HPS3: variants seen among roughly 807,000 people sequenced by gnomAD.
The protein encoded by HPS3 is BLOC-2 complex member HPS3.
HPS3 carries 79 observed loss-of-function variants against 110.9 expected under a neutral mutation model. The ratio of observed to expected loss-of-function variants is 0.71; its 90% CI spans 0.59 to 0.86. The LOEUF is 0.86. Among genes scored for constraint, HPS3 ranks in the 40% least tolerant of loss-of-function variants. The probability of loss-of-function intolerance (pLI) is 0.00; values close to 1 mark genes in which losing one functional copy is unlikely to be tolerated. For synonymous variants in HPS3, 428 were observed against 451.0 expected, an observed-to-expected ratio of 0.95 and a Z score of 0.65; for missense variants, 1,197 against 1,206.2, an observed-to-expected ratio of 0.99 and a Z score of 0.11.
rs78552387 is a variant in HPS3 at position 149,168,433 on chromosome 3, G to A, written c.2887+450G>A. On this transcript the variant is annotated intron_variant, in intron 16 of 16. Transcript: ENST00000296051. The stretch of plus-strand genomic sequence containing the variant: ...AAATTGTACCGTATTTTACAGCATA[G>A]TAGTTATTTGAATTTTCATAATTCA... 5.9e-3 allele frequency: 1,040 copies of A among 176,446 alleles called. 4 individuals are homozygous for A. The highest frequency in any genetic ancestry group is 9.2e-3 in the Admixed American group (166 of 17,970). The allele number at this position is 176,446 out of a possible 1,614,324, so 10.9% of individuals were successfully genotyped here.
At position 149,162,861 on chromosome 3, in the gene HPS3, C is replaced by T. The variant is rs369855073; in HGVS notation, c.2464C>T (p.Arg822Ter). The stretch of plus-strand genomic sequence containing the variant: ...GCAGCCTCCTGACACCACACCATTG[C>T]GAACATCGGAGGATCTGGTAAGATA... ...KRQPPDTTPL[R>*]TSEDLINACS... Residue 822 changes from arginine to a stop codon, truncating the protein, a stop_gained, in exon 13 of 17, where the codon CGA becomes TGA. Coordinates refer to ENST00000296051, the MANE Select transcript of HPS3 (RefSeq NM_032383.5). LOFTEE classifies it high-confidence loss of function. 16 of 1,613,350 alleles carry T rather than the reference C, an allele frequency of 9.9e-6. No homozygotes were observed. The highest frequency in any genetic ancestry group is 2.2e-5 in the East Asian group (1 of 44,860).
intron 5 of HPS3, among the ~76,000 whole-genome samples, chr3:149,148,949 CTTTT>C (rs140573513): frequency 1.5e-3 from 151 of 102,460 alleles, no homozygotes; most frequent in Admixed American, 2.2e-3. Flanking sequence ...GGAACCCTGC[CTTTT>C]TTTTTTTTTT....
In HPS3 at chr3:149,162,826, T is replaced by C. The variant is rs1724015422; in HGVS notation, c.2429T>C (p.Leu810Ser). ...FKLTSQYIWR[L>S]SKRQPPDTTP... ...CTCACATCACAGTACATCTGGAGAT[T>C]GTCTAAGAGGCAGCCTCCTGACACC... Residue 810 changes from leucine to serine, a missense_variant, in exon 13 of 17, where the codon TTG (leucine) becomes TCG (serine). Physicochemically the swap from Leu to Ser is moderately radical, Grantham distance 145. Coordinates refer to ENST00000296051, the MANE Select transcript of HPS3 (RefSeq NM_032383.5). 5 of 1,614,080 alleles carry C rather than the reference T, an allele frequency of 3.1e-6. No individual in the cohort carries two copies. The highest frequency in any genetic ancestry group is 4.2e-6 in the Non-Finnish European group (5 of 1,179,964).
intron 9 of HPS3, among the ~76,000 whole-genome samples, chr3:149,157,892 A>G (rs1723553058): frequency 1.3e-5 from 2 of 152,250 alleles, no homozygotes; most frequent in Admixed American, 1.3e-4. Flanking sequence ...TGGACATATT[A>G]AACCCTAAAA....
rs534690594 is a variant in HPS3 at position 149,151,737 on chromosome 3, A to G, written c.1245+1057A>G. Among the ~76,000 whole-genome samples, 2 of 152,004 alleles carry G rather than the reference A, an allele frequency of 1.3e-5. 1 individual carries two copies. Among genetic ancestry groups the G allele is most frequent in the South Asian group, 4.2e-4 (2 of 4,816 alleles). ...ACATTATATTGATCTATGTTATTTT[A>G]CTTCTGAAGTATAAGCTATTTGAAT... On this transcript the variant is annotated intron_variant, in intron 6 of 16. Transcript: ENST00000296051.
At chr3:149,132,682 A>G (rs1721847179) in intron 1 of HPS3, among the ~76,000 whole-genome samples, 1 of 152,226 alleles carries the variant, frequency 6.6e-6, no homozygotes, top group African/African-American at 2.4e-5. Flanking sequence ...TCATTATTAA[A>G]GAAATACATT....
intron 12 of HPS3, 89 bp from the exon 13 acceptor site, chr3:149,162,601 C>T (rs1723983181): frequency 7.5e-7 from 1 of 1,334,992 alleles, no homozygotes; most frequent in Non-Finnish European, 1.1e-6. Flanking sequence ...ATTGCGTGGC[C>T]CATGTGATGC....
chr3:149,144,396 A>T, intron 4 of HPS3, among the ~76,000 whole-genome samples: 1 of 152,102 alleles, frequency 6.6e-6, no homozygotes, highest in Non-Finnish European at 1.5e-5. Context: ...AAATAAAAAT[A>T]AAAAAAATTT....
chr3:149,156,491 T>G (rs1723463537), intron 8 of HPS3, among the ~76,000 whole-genome samples: 1 of 152,216 alleles, frequency 6.6e-6, no homozygotes, highest in Non-Finnish European at 1.5e-5. Context: ...AGCCTTTCAT[T>G]ATGTTTTATG....
intron 8 of HPS3, 115 bp from the exon 9 acceptor site, chr3:149,157,235 G>T: frequency 1.1e-6 from 1 of 939,312 alleles, no homozygotes; most frequent in Non-Finnish European, 1.7e-6. Context: ...TTACTTTTAG[G>T]GTTTAATATG....
chr3:149,155,849 CAT>C (rs1723426987), intron 8 of HPS3, among the ~76,000 whole-genome samples: 1 of 152,066 alleles, frequency 6.6e-6, no homozygotes. Context: ...GCCTGGGTAA[CAT>C]AGTGAGATCC....
intron 1 of HPS3, among the ~76,000 whole-genome samples, chr3:149,135,402 A>G (rs1167034624): frequency 6.6e-6 from 1 of 152,120 alleles, no homozygotes; most frequent in African/African-American, 2.4e-5. Flanking sequence ...TCATGGGGAC[A>G]GTTTCCCCCA....
At chr3:149,152,438 G>A (rs1033717656) in intron 6 of HPS3, among the ~76,000 whole-genome samples, 1 of 152,190 alleles carries the variant, frequency 6.6e-6, no homozygotes, top group African/African-American at 2.4e-5. Flanking sequence ...ATAAGGAGAG[G>A]TGGGCATCTG....
intron 1 of HPS3, among the ~76,000 whole-genome samples, chr3:149,138,703 T>C (rs535467814): frequency 6.6e-6 from 1 of 152,296 alleles, no homozygotes; most frequent in Admixed American, 6.5e-5. Context: ...AGCTACAGTG[T>C]CATGATAAGA....
Position 149,129,808 on chromosome 3 carries a change from G to A in HPS3, c.85G>A (p.Gly29Arg). ...KLEPDRFCGG[G>R]RDALFVAAGC... The stretch of plus-strand genomic sequence containing the variant: ...GGAGCCGGACCGGTTCTGTGGCGGG[G>A]GGCGTGACGCGCTTTTCGTGGCGGC... The change falls in exon 1 of 17, where the codon GGG (glycine) becomes AGG (arginine). Residue 29 changes from glycine (G) to arginine (R), a missense_variant. Coordinates refer to ENST00000296051, the MANE Select transcript of HPS3 (RefSeq NM_032383.5). 6.2e-7 allele frequency: 1 copy of A among 1,607,416 alleles called. No homozygotes were observed. The highest frequency in any genetic ancestry group is 8.5e-7 in the Non-Finnish European group (1 of 1,179,290).
rs764187008 is a variant in HPS3, at chr3:149,162,182, G to A, written c.2141G>A (p.Arg714Gln). The stretch of plus-strand genomic sequence containing the variant: ...GTATGTGGCTTCATTCTGGAACCTC[G>A]GCTGTTGATTCAACAGAGAAAGGGA... ...KLVCGFILEP[R>Q]LLIQQRKGQI... Residue 714 changes from arginine to glutamine, a missense_variant, in exon 12 of 17, where the codon CGG becomes CAG. Arg to Gln is a conservative substitution (Grantham distance 43). Coordinates refer to ENST00000296051, the MANE Select transcript of HPS3 (RefSeq NM_032383.5). 4.3e-6 allele frequency: 7 copies of A among 1,613,898 alleles called. No individual in the cohort carries two copies. Among genetic ancestry groups the A allele is most frequent in the Middle Eastern group, 1.7e-4 (1 of 6,056 alleles).
At chr3:149,130,093 G>T in intron 1 of HPS3, 153 bp downstream of exon 1, 1 of 703,428 alleles carries the variant, frequency 1.4e-6, no homozygotes, top group Non-Finnish European at 2.4e-6. Context: ...GCCGCTGATT[G>T]CTTGAAGTCG....
Position 149,158,739 on chromosome 3 carries a change from G to A in HPS3, c.1765G>A (p.Ala589Thr), listed in dbSNP as rs758530382. ...TGGTTTGTCTATGGCTGAAGTTCTG[G>A]CCCGCACGGACTGGACAGTAGAGGA... ...MSGLSMAEVLARTDWTVEDGL... is the reference protein window; with the variant it reads ...MSGLSMAEVLTRTDWTVEDGL... Residue 589 changes from alanine (A) to threonine (T), a missense_variant, in exon 10 of 17, where the codon GCC (alanine) becomes ACC (threonine). Coordinates refer to ENST00000296051, the MANE Select transcript of HPS3 (RefSeq NM_032383.5). 1 of 1,613,368 alleles carries A rather than the reference G, an allele frequency of 6.2e-7. No individual in the cohort carries two copies. The highest frequency in any genetic ancestry group is 2.2e-5 in the East Asian group (1 of 44,872).
chr3:149,166,344 A>C (rs1445207830), intron 14 of HPS3, among the ~76,000 whole-genome samples: 3 of 152,330 alleles, frequency 2.0e-5, no homozygotes, highest in Non-Finnish European at 4.4e-5. Context: ...GCTTATAGAA[A>C]ATTTGGAAAC....
Sources: allele counts gnomAD v4.1 joint callset (sites outside exome capture counted in the v4.1 genomes callset), GRCh38; gene constraint gnomAD v4.1.1; transcripts MANE v1.5; gene names NCBI Gene and HGNC (gene_info 2026-07-23, HGNC 2026-07-21).